Variants in UBR1 observed in about 807,000 individuals in gnomAD.
UBR1 encodes E3 ubiquitin-protein ligase UBR1.
A neutral mutation model predicts 242.1 loss-of-function variants in UBR1; 102 were observed. The ratio of observed to expected loss-of-function variants is 0.42; its 90% confidence interval spans 0.36 to 0.50. UBR1 has a LOEUF of 0.50. Among genes scored for constraint, UBR1 ranks in the 20% least tolerant of loss-of-function variants. UBR1 has a pLI of 0.01. For synonymous variants in UBR1, 675 were observed against 684.8 expected (o/e 0.99, Z 0.22); for missense variants, 1,772 against 2,101.8 (o/e 0.84, Z 3.07).
At chr15:43,075,439 T>C (rs2033875621) in intron 3 of UBR1, among the ~76,000 whole-genome samples, 1 of 151,344 alleles carries the variant, frequency 6.6e-6, no homozygotes, top group Admixed American at 6.6e-5. Context: ...CACCTAGAAT[T>C]TTTTTTTTAA....
intron 30 of UBR1, 127 bp downstream of exon 30, chr15:43,006,952 C>T: frequency 1.1e-6 from 1 of 878,382 alleles, no homozygotes. Flanking sequence ...TTATTACTTT[C>T]TTAAATATGA....
At chr15:42,995,055 T>C (rs750430703) in intron 33 of UBR1, among the ~76,000 whole-genome samples, 3 of 152,192 alleles carry the variant, frequency 2.0e-5, no homozygotes, top group Non-Finnish European at 4.4e-5. Flanking sequence ...AATTAGTGAA[T>C]ATGTTTAAAA....
intron 2 of UBR1, among the ~76,000 whole-genome samples, chr15:43,083,876 C>T (rs1034906477): frequency 2.6e-5 from 4 of 151,698 alleles, no homozygotes; most frequent in Admixed American, 1.3e-4. Context: ...AACCCCGTCT[C>T]TACTAAAAAT....
intron 28 of UBR1, among the ~76,000 whole-genome samples, chr15:43,016,185 C>G (rs2033021158): frequency 6.6e-6 from 1 of 152,182 alleles, no homozygotes; most frequent in African/African-American, 2.4e-5. Flanking sequence ...TTGTCAATCA[C>G]TTAATCACTG....
intron 29 of UBR1, among the ~76,000 whole-genome samples, chr15:43,009,751 A>G (rs1226484656): frequency 6.6e-6 from 1 of 152,238 alleles, no homozygotes; most frequent in Non-Finnish European, 1.5e-5. Context: ...CTGAACTACT[A>G]TACAATGTTG....
chr15:43,066,454 T>C (rs1274603723), intron 6 of UBR1, among the ~76,000 whole-genome samples: 1 of 152,244 alleles, frequency 6.6e-6, no homozygotes, highest in South Asian at 2.1e-4. Flanking sequence ...GGCCCTTTTT[T>C]GGTTCCATTT....
intron 42 of UBR1, 147 bp from the exon 43 acceptor site, chr15:42,960,848 C>A (rs1407068495): frequency 1.3e-6 from 1 of 773,860 alleles, no homozygotes. Context: ...CGGCTCACTG[C>A]AGCTTCTGCC....
intron 40 of UBR1, among the ~76,000 whole-genome samples, chr15:42,966,858 CA>C (rs990294634): frequency 6.6e-6 from 1 of 151,784 alleles, no homozygotes; most frequent in South Asian, 2.1e-4. Context: ...AAGAGGCAAC[CA>C]AAAAATCTAC....
chr15:43,090,723 G>A (rs1018627251), intron 1 of UBR1, among the ~76,000 whole-genome samples: 1 of 151,738 alleles, frequency 6.6e-6, no homozygotes, highest in Non-Finnish European at 1.5e-5. Flanking sequence ...AATTTGTCTT[G>A]TTTAGAAGAA....
rs1044544197 is a variant in UBR1 at position 43,051,058 on chromosome 15, G to A, written c.1440-2567C>T. ...TAAAAACAGAAATGTCATTCAACCC[G>A]GCAATTTCATTACCGGGTATTCACC... On this transcript the variant is annotated intron_variant, in intron 12 of 46. Coordinates refer to ENST00000290650, the MANE Select transcript of UBR1 (RefSeq NM_174916.3). Among the ~76,000 whole-genome samples, 36 of 152,102 alleles carry A rather than the reference G, an allele frequency of 2.4e-4. 1 individual carries two copies. Among genetic ancestry groups the A allele is most frequent in the Admixed American group, 1.4e-3 (22 of 15,276 alleles).
intron 2 of UBR1, among the ~76,000 whole-genome samples, chr15:43,083,598 T>A (rs1471563467): frequency 6.6e-6 from 1 of 151,712 alleles, no homozygotes; most frequent in Admixed American, 6.6e-5. Context: ...GCCAGGCTGG[T>A]CTCGAACTCC....
chr15:43,031,911 G>A (rs2033262796), intron 20 of UBR1, among the ~76,000 whole-genome samples: 1 of 152,176 alleles, frequency 6.6e-6, no homozygotes, highest in African/African-American at 2.4e-5. Context: ...GCGCACACCT[G>A]TGGTCCCAGC....
At chr15:43,048,058 A>C (rs1235892810) in intron 13 of UBR1, among the ~76,000 whole-genome samples, 1 of 152,038 alleles carries the variant, frequency 6.6e-6, no homozygotes. Context: ...GTGGTGGTGC[A>C]TGCCTGTAAT....
chr15:43,013,132 T>G (rs2032951629), intron 29 of UBR1, among the ~76,000 whole-genome samples: 1 of 152,202 alleles, frequency 6.6e-6, no homozygotes, highest in South Asian at 2.1e-4. Flanking sequence ...CTCGAACTCC[T>G]GACCTCAGAT....
chr15:42,952,559 G>T lies in UBR1; in HGVS notation c.4836-111C>A, dbSNP rs929195058. On this transcript the variant is annotated intron_variant, in intron 44 of 46. Transcript: ENST00000290650. Reference sequence around the variant, plus strand: ...TGTTTTCATCACTGACCCCTTTCCAGCAAGGAAGCTCTTAAAACACAAGGA... The same window carrying T: ...TGTTTTCATCACTGACCCCTTTCCATCAAGGAAGCTCTTAAAACACAAGGA... 3.3e-6 allele frequency: 4 copies of T among 1,209,756 alleles called. No homozygotes were observed. The African/African-American group carries it at 6.0e-5, about 18-fold the overall frequency. The allele number at this position is 1,209,756 out of a possible 1,614,324, so 74.9% of individuals were successfully genotyped here. A position where few individuals can be genotyped will look rare whatever the true frequency, so the allele number is the denominator to read the frequency against.
intron 4 of UBR1, among the ~76,000 whole-genome samples, chr15:43,073,324 T>C (rs1303641097): frequency 6.6e-6 from 1 of 152,160 alleles, no homozygotes; most frequent in African/African-American, 2.4e-5. Context: ...AATTTAGAAG[T>C]ATGTAAATGT....
At chr15:43,054,988 C>G in intron 11 of UBR1, 89 bp from the exon 12 acceptor site, 1 of 1,394,028 alleles carries the variant, frequency 7.2e-7, no homozygotes, top group Non-Finnish European at 1.0e-6. Flanking sequence ...GTCAGTATGT[C>G]ATTTTTAATA....
chr15:43,032,593 C>T lies in UBR1; in HGVS notation c.2229G>A (p.Met743Ile). The change falls in exon 20 of 47, where the codon ATG becomes ATA. Residue 743 changes from methionine to isoleucine, a missense_variant. This residue lies in a region of UBR1 where 73 missense variants were observed against 128.9 expected (regional missense o/e 0.57). Transcript: ENST00000290650. ...IKQYNTLIEE[M>I]LQVLIYIVGE... is the part of the protein sequence containing the mutation. ...CCACAATATAGATGAGGACCTGAAG[C>T]ATTTCTTCTATTAGTGTATTATATT... 6.5e-7 allele frequency: 1 copy of T among 1,539,948 alleles called. No homozygotes were observed. The highest frequency in any genetic ancestry group is 8.9e-7 in the Non-Finnish European group (1 of 1,117,964).
chr15:43,019,798 G>T (rs1252120986), intron 27 of UBR1, among the ~76,000 whole-genome samples: 2 of 150,778 alleles, frequency 1.3e-5, no homozygotes, highest in Admixed American at 1.3e-4. Context: ...TAGAGACAGG[G>T]TTTCACCATC....
Sources: gnomAD v4.1 joint callset for allele counts (sites outside exome capture counted in the v4.1 genomes callset) on GRCh38, gnomAD v4.1.1 for gene constraint, gnomAD v4.1.1 regional missense constraint, MANE v1.5 for transcripts, NCBI Gene and HGNC (gene_info 2026-07-23, HGNC 2026-07-21) for gene names.